WWOX: variants seen among roughly 807,000 people sequenced by gnomAD.
WWOX encodes WW domain containing oxidoreductase, also known as WW domain-containing oxidoreductase.
WWOX carries 69 observed loss-of-function variants against 46.2 expected under a neutral mutation model. The ratio of observed to expected loss-of-function variants is 1.49; its 90% CI spans 1.23 to 1.82. The LOEUF (loss-of-function observed/expected upper bound fraction) is 1.82. WWOX is among the 40% of genes most tolerant of loss of function. The probability of loss-of-function intolerance (pLI) is 0.00; values close to 1 mark genes in which losing one functional copy is unlikely to be tolerated. For synonymous variants in WWOX, 359 were observed against 202.6 expected, an observed-to-expected ratio of 1.77 and a Z score of -6.56; for missense variants, 919 against 542.6, an observed-to-expected ratio of 1.69 and a Z score of -6.89.
At chr16:78,793,327 C>T (rs2050656293) in intron 8 of WWOX, among the ~76,000 whole-genome samples, 1 of 152,190 alleles carries the variant, frequency 6.6e-6, no homozygotes, top group African/African-American at 2.4e-5. Context: ...TCCCAGAGTG[C>T]TGGGATTCCA....
chr16:79,155,865 G>T (rs1019722224), intron 8 of WWOX, among the ~76,000 whole-genome samples: 2 of 151,634 alleles, frequency 1.3e-5, no homozygotes, highest in African/African-American at 4.8e-5. Context: ...CATATAAGAA[G>T]GAGAAAGGGA....
At chr16:78,485,255 T>G (rs1017485361) in intron 8 of WWOX, among the ~76,000 whole-genome samples, 22 of 152,294 alleles carry the variant, frequency 1.4e-4, no homozygotes, top group Middle Eastern at 6.8e-3. Context: ...CACAGCCTCC[T>G]CCAGCTATGC....
At chr16:79,190,043 AT>A (rs1334020181) in intron 8 of WWOX, among the ~76,000 whole-genome samples, 2 of 151,714 alleles carry the variant, frequency 1.3e-5, no homozygotes, top group South Asian at 2.1e-4. Context: ...TATTATTATT[AT>A]TTTTTGAGAC....
chr16:78,865,252 CTTTA>C (rs1405475355), intron 8 of WWOX, among the ~76,000 whole-genome samples: 2 of 151,988 alleles, frequency 1.3e-5, no homozygotes, highest in Non-Finnish European at 2.9e-5. Flanking sequence ...TACTCTCTTC[CTTTA>C]TTTTTTTCCC....
chr16:78,291,474 T>C (rs1450584550), intron 5 of WWOX, among the ~76,000 whole-genome samples: 1 of 152,212 alleles, frequency 6.6e-6, no homozygotes, highest in Admixed American at 6.5e-5. Flanking sequence ...TCGTTATAAC[T>C]GAGCTGGCTG....
intron 8 of WWOX, among the ~76,000 whole-genome samples, chr16:78,666,441 A>T (rs1433923288): frequency 6.6e-6 from 1 of 152,220 alleles, no homozygotes; most frequent in Non-Finnish European, 1.5e-5. Flanking sequence ...TCACGCCATT[A>T]CATGCTTACA....
At chr16:78,377,796 G>C (rs531739530) in intron 5 of WWOX, among the ~76,000 whole-genome samples, 1 of 152,064 alleles carries the variant, frequency 6.6e-6, no homozygotes, top group East Asian at 1.9e-4. Context: ...TCCATGGCAC[G>C]CAACTCATAT....
At chr16:78,367,770 T>A (rs2081573114) in intron 5 of WWOX, among the ~76,000 whole-genome samples, 1 of 151,932 alleles carries the variant, frequency 6.6e-6, no homozygotes, top group East Asian at 1.9e-4. Context: ...TTTTTCTTTT[T>A]GTTTCGAGAT....
At chr16:78,426,300 A>C (rs1333356598) in intron 7 of WWOX, among the ~76,000 whole-genome samples, 1 of 152,194 alleles carries the variant, frequency 6.6e-6, no homozygotes, top group Non-Finnish European at 1.5e-5. Flanking sequence ...TAAATCTGCC[A>C]GCCCCAGTCA....
intron 8 of WWOX, among the ~76,000 whole-genome samples, chr16:79,006,856 C>A (rs952208262): frequency 6.6e-6 from 1 of 152,212 alleles, no homozygotes; most frequent in African/African-American, 2.4e-5. Context: ...GCTCTCTCTT[C>A]AGATTCCCTC....
At chr16:78,877,100 A>C (rs746256804) in intron 8 of WWOX, among the ~76,000 whole-genome samples, 1 of 152,206 alleles carries the variant, frequency 6.6e-6, no homozygotes, top group Non-Finnish European at 1.5e-5. Flanking sequence ...TGGGTTCAGT[A>C]AGGAAGAAGG....
chr16:78,541,247 G>A (rs1476604840), intron 8 of WWOX, among the ~76,000 whole-genome samples: 2 of 151,576 alleles, frequency 1.3e-5, no homozygotes, highest in Admixed American at 1.3e-4. Flanking sequence ...GGCCGAGGCG[G>A]GCGGATCACG....
chr16:78,850,838 T>C (rs998427122), intron 8 of WWOX, among the ~76,000 whole-genome samples: 3 of 152,280 alleles, frequency 2.0e-5, no homozygotes, highest in South Asian at 2.1e-4. Flanking sequence ...TCTTAGTGTC[T>C]ATTTTTGGTG....
Position 78,647,445 on chromosome 16 carries a change from G to C in WWOX, c.1056+214693G>C, listed in dbSNP as rs567359394. Reference sequence around the variant, plus strand: ...TACACAGATTAGCACACGGTTCCATGATCATGGACCCGTTCAGTACACAAT... The same window carrying C: ...TACACAGATTAGCACACGGTTCCATCATCATGGACCCGTTCAGTACACAAT... On this transcript the variant is annotated intron_variant, in intron 8 of 8. Transcript: ENST00000566780. Among the ~76,000 whole-genome samples, 6 of 152,238 alleles carry C rather than the reference G, an allele frequency of 3.9e-5. 1 individual carries two copies. Among genetic ancestry groups the C allele is most frequent in the Admixed American group, 2.6e-4 (4 of 15,294 alleles).
intron 8 of WWOX, among the ~76,000 whole-genome samples, chr16:78,674,983 T>C (rs1049292929): frequency 1.3e-5 from 2 of 152,280 alleles, no homozygotes; most frequent in African/African-American, 4.8e-5. Flanking sequence ...TGATTAACCA[T>C]GCTTACCTTG....
chr16:78,471,842 A>C (rs909195148), intron 8 of WWOX, among the ~76,000 whole-genome samples: 2 of 152,212 alleles, frequency 1.3e-5, no homozygotes, highest in Admixed American at 6.5e-5. Context: ...GTACACATTA[A>C]ATAAACTTTT....
At chr16:78,600,260 T>G (rs2045589901) in intron 8 of WWOX, among the ~76,000 whole-genome samples, 1 of 151,998 alleles carries the variant, frequency 6.6e-6, no homozygotes, top group African/African-American at 2.4e-5. Context: ...AGATGAGATT[T>G]GGATAGGGAC....
chr16:79,134,033 T>G (rs1325971263), intron 8 of WWOX, among the ~76,000 whole-genome samples: 2 of 152,104 alleles, frequency 1.3e-5, no homozygotes, highest in Admixed American at 1.3e-4. Context: ...TAGGAAGAGT[T>G]TGTTTCTTCC....
chr16:78,275,566 T>A (rs1394092636), intron 5 of WWOX, among the ~76,000 whole-genome samples: 1 of 152,188 alleles, frequency 6.6e-6, no homozygotes, highest in African/African-American at 2.4e-5. Flanking sequence ...GGCGGTATCC[T>A]GAATGAAAGA....
Sources: gnomAD v4.1 joint callset for allele counts (sites outside exome capture counted in the v4.1 genomes callset) on GRCh38, gnomAD v4.1.1 for gene constraint, MANE v1.5 for transcripts, NCBI Gene and HGNC (gene_info 2026-07-23, HGNC 2026-07-21) for gene names.